Variants in SPIB observed in about 807,000 individuals in gnomAD.
SPIB encodes transcription factor Spi-B.
A neutral mutation model predicts 31.9 loss-of-function variants in SPIB; 7 were observed. That is an observed-to-expected ratio of 0.22 (90% CI 0.12 to 0.41). The LOEUF (loss-of-function observed/expected upper bound fraction) is 0.41. SPIB is among the 10% of genes least tolerant of loss of function. The probability of loss-of-function intolerance (pLI) is 1.00; values close to 1 mark genes in which losing one functional copy is unlikely to be tolerated. For missense variants in SPIB, 327 were observed against 360.2 expected (o/e 0.91, Z 0.75); for synonymous variants, 176 against 158.9 (o/e 1.11, Z -0.81).
At chr19:50,419,914 C>A in intron 1 of SPIB, 32 bp from the exon 2 acceptor site, 1 of 1,535,756 alleles carries the variant, frequency 6.5e-7, no homozygotes, top group South Asian at 1.2e-5. Context: ...TGGAGGCAGC[C>A]TCAGCATGCC....
In SPIB at chr19:50,428,807, C is replaced by T. The variant is rs2039603398; in HGVS notation, c.*471C>T. On this transcript the variant is annotated 3_prime_UTR_variant, in exon 6 of 6. Transcript: ENST00000595883. This position sits in a 1 kb window ranked among gnomAD's most constrained non-coding sequence, Gnocchi z 6.5. Reference sequence around the variant, plus strand: ...TGTCCAAGGTTCCCTCTTGTCAGATCTGAGATTTCCTAGTTATGTCTGGGG... The same window carrying T: ...TGTCCAAGGTTCCCTCTTGTCAGATTTGAGATTTCCTAGTTATGTCTGGGG... The T allele has an allele frequency of 6.1e-6, 1 of 162,972 alleles. No homozygotes were observed. Among genetic ancestry groups the T allele is most frequent in the African/African-American group, 2.4e-5 (1 of 41,864 alleles). 10.1% of individuals were successfully genotyped at this position (162,972 alleles called of 1,614,324 possible).
chr19:50,427,915 C>T lies in SPIB; in HGVS notation c.491-123C>T. ...AGCCAGGTGTATGTAACAGCCACTT[C>T]CCTCACCCCACTTTTCAGATCCAGG... On this transcript the variant is annotated intron_variant, in intron 5 of 5. Transcript: ENST00000595883. The T allele has an allele frequency of 2.8e-6, 3 of 1,076,294 alleles. No homozygotes were observed. In the South Asian group the frequency reaches 5.2e-5, roughly 19 times the overall value. 66.7% of individuals were successfully genotyped at this position (1,076,294 alleles called of 1,614,324 possible).
chr19:50,424,191 GTTCC>G (rs1300002937), intron 5 of SPIB, among the ~76,000 whole-genome samples: 1 of 152,140 alleles, frequency 6.6e-6, no homozygotes, highest in Non-Finnish European at 1.5e-5. Context: ...AGCTGAGATC[GTTCC>G]TTCCTTTCTG....
chr19:50,425,341 G>A (rs2039551858), intron 5 of SPIB, among the ~76,000 whole-genome samples: 1 of 152,198 alleles, frequency 6.6e-6, no homozygotes, highest in South Asian at 2.1e-4. Flanking sequence ...CTTCAGCTCA[G>A]AGAGGTTAAT....
At chr19:50,425,509 C>T (rs1027220571) in intron 5 of SPIB, among the ~76,000 whole-genome samples, 3 of 152,332 alleles carry the variant, frequency 2.0e-5, no homozygotes, top group African/African-American at 7.2e-5. Flanking sequence ...GGCGCAATCT[C>T]GGCTCACTAC....
chr19:50,426,242 G>A (rs1475748633), intron 5 of SPIB, among the ~76,000 whole-genome samples: 1 of 152,052 alleles, frequency 6.6e-6, no homozygotes, highest in Non-Finnish European at 1.5e-5. Context: ...TTGGTGGGTT[G>A]AAAGCAAGCA....
intron 1 of SPIB, among the ~76,000 whole-genome samples, chr19:50,419,703 C>T (rs368333045): frequency 2.0e-5 from 3 of 152,226 alleles, no homozygotes; most frequent in Non-Finnish European, 4.4e-5. Flanking sequence ...CTTTCCCTGC[C>T]CCTCCCCACC....
intron 5 of SPIB, among the ~76,000 whole-genome samples, 168 bp from the exon 6 acceptor site, chr19:50,427,870 C>T (rs1209985117): frequency 2.0e-5 from 3 of 148,694 alleles, no homozygotes; most frequent in South Asian, 2.1e-4. Context: ...CCCCCCCCCC[C>T]CCCGTGGTGA....
chr19:50,422,969 C>T lies in SPIB; in HGVS notation c.271C>T (p.Leu91=). 6.3e-7 allele frequency: 1 copy of T among 1,583,278 alleles called. No individual in the cohort carries two copies. The highest frequency in any genetic ancestry group is 8.6e-7 in the Non-Finnish European group (1 of 1,162,302). Residue 91 remains leucine, a synonymous_variant, in exon 4 of 6, where the codon CTG becomes TTG. Coordinates refer to ENST00000595883, the MANE Select transcript of SPIB (RefSeq NM_003121.5). ...CTACAGCCCTGCAGGGAACCTCGAA[C>T]TGGCCCCCAGCCTGGAGGCCCCGGG... ...PTYSPAGNLE[L]APSLEAPGPG...
chr19:50,427,762 C>CA (rs1025184818), intron 5 of SPIB, among the ~76,000 whole-genome samples: 5 of 151,908 alleles, frequency 3.3e-5, no homozygotes, highest in African/African-American at 1.2e-4. Context: ...GTGCTGGCCG[C>CA]AGGGCGGAAG....
In SPIB at chr19:50,422,454, C is replaced by T; in HGVS notation, c.52-19C>T. 6.2e-7 allele frequency: 1 copy of T among 1,613,206 alleles called. No homozygotes were observed. The highest frequency in any genetic ancestry group is 8.5e-7 in the Non-Finnish European group (1 of 1,179,308). ...CAAGGCCTGGGATGACCCCTCTTCC[C>T]TCCTGCACCCCGTATCAGTACCCAG... On this transcript the variant is annotated intron_variant, in intron 2 of 5. Transcript: ENST00000595883.
rs535464804 is a variant in SPIB at position 50,418,938 on chromosome 19, G to A, written c.-25G>A. 2.2e-5 allele frequency: 34 copies of A among 1,552,162 alleles called. No homozygotes were observed. Among genetic ancestry groups the A allele is most frequent in the Admixed American group, 3.9e-5 (2 of 51,466 alleles). ...AATAGGGTTGGCGGCTGCAGCGGGC[G>A]GCAAACAGCCCGCCCGGCACCACCA... On this transcript the variant is annotated 5_prime_UTR_variant, in exon 1 of 6. Coordinates refer to ENST00000595883, the MANE Select transcript of SPIB (RefSeq NM_003121.5). The surrounding 1 kb of genome is among the most constrained non-coding windows in gnomAD (Gnocchi z 6.0).
chr19:50,427,152 C>T (rs998158219), intron 5 of SPIB, among the ~76,000 whole-genome samples: 4 of 151,796 alleles, frequency 2.6e-5, no homozygotes, highest in Non-Finnish European at 5.9e-5. Flanking sequence ...ATTAAGATGT[C>T]ACTACGTCAC....
At position 50,428,064 on chromosome 19, in the gene SPIB, C is replaced by G; in HGVS notation, c.517C>G (p.Gln173Glu). 1 of 1,562,826 alleles carries G rather than the reference C, an allele frequency of 6.4e-7. No homozygotes were observed. Among genetic ancestry groups the G allele is most frequent in the Non-Finnish European group, 8.7e-7 (1 of 1,151,682 alleles). ...AGTRKKLRLYQFLLGLLTRGD... is the reference protein window; with the variant it reads ...AGTRKKLRLYEFLLGLLTRGD... The stretch of plus-strand genomic sequence containing the variant: ...GACTCGCAAGAAGCTGCGCCTGTAC[C>G]AGTTCCTGCTGGGGCTACTGACGCG... The change falls in exon 6 of 6, where the codon CAG (glutamine) becomes GAG (glutamate). Residue 173 changes from glutamine to glutamate, a missense_variant. Physicochemically the swap from Gln to Glu is conservative, Grantham distance 29. Transcript: ENST00000595883. The surrounding 1 kb of genome is among the most constrained non-coding windows in gnomAD (Gnocchi z 6.5).
chr19:50,419,855 C>A, intron 1 of SPIB, 91 bp from the exon 2 acceptor site: 1 of 1,372,114 alleles, frequency 7.3e-7, no homozygotes, highest in Non-Finnish European at 9.7e-7. Context: ...GTGGTCACAG[C>A]TGCTGCCGCC....
chr19:50,428,302 A>G lies in SPIB; in HGVS notation c.755A>G (p.Asp252Gly). 1 of 1,550,162 alleles carries G rather than the reference A, an allele frequency of 6.5e-7. No homozygotes were observed. Reference protein sequence around the residue: ...KVKRKLTYQFDSALLPAVRRA With the variant: ...KVKRKLTYQFGSALLPAVRRA The stretch of plus-strand genomic sequence containing the variant: ...AAGCGCAAGCTCACCTACCAGTTCG[A>G]CAGCGCGCTGCTGCCTGCAGTCCGC... Residue 252 changes from aspartate (D) to glycine (G), a missense_variant, in exon 6 of 6, where the codon GAC (aspartate) becomes GGC (glycine). Transcript: ENST00000595883. This position sits in a 1 kb window ranked among gnomAD's most constrained non-coding sequence, Gnocchi z 6.5.
In SPIB at chr19:50,427,977, G is replaced by T; in HGVS notation, c.491-61G>T. ...GGGGTGGAAGTCTCGGAGGAGGGTG[G>T]ATGGGGAAGGCGGGGCCTTAGGGAC... On this transcript the variant is annotated intron_variant, in intron 5 of 5. Transcript: ENST00000595883. The T allele has an allele frequency of 2.8e-6, 4 of 1,441,508 alleles. No individual in the cohort carries two copies. In the South Asian group the frequency reaches 5.9e-5, roughly 21 times the overall value. The allele number at this position is 1,441,508 out of a possible 1,614,324, so 89.3% of individuals were successfully genotyped here. A position where few individuals can be genotyped will look rare whatever the true frequency, so the allele number is the denominator to read the frequency against.
At chr19:50,426,018 A>C (rs961082390) in intron 5 of SPIB, among the ~76,000 whole-genome samples, 8 of 152,132 alleles carry the variant, frequency 5.3e-5, no homozygotes, top group Middle Eastern at 3.4e-3. Context: ...AGACCAGCCT[A>C]GCCAACATGG....
In SPIB at chr19:50,424,835, T is replaced by G. The variant is rs1394839141; in HGVS notation, c.490+1080T>G. Among the ~76,000 whole-genome samples, 4 of 150,692 alleles carry G rather than the reference T, an allele frequency of 2.7e-5. 1 individual carries two copies. In the South Asian group the frequency reaches 8.5e-4, roughly 32 times the overall value. On this transcript the variant is annotated intron_variant, in intron 5 of 5. Transcript: ENST00000595883. The stretch of plus-strand genomic sequence containing the variant: ...TTAATGGGGCATGGTGGTACATGCC[T>G]GTAATCCCAGCTACTCAGGAGGCTG...
Sources: allele counts gnomAD v4.1 joint callset (sites outside exome capture counted in the v4.1 genomes callset), GRCh38; gene constraint gnomAD v4.1.1; non-coding constraint Gnocchi (gnomAD v3.1); transcripts MANE v1.5; gene names NCBI Gene and HGNC (gene_info 2026-07-23, HGNC 2026-07-21).